LTBP1: variants seen among roughly 807,000 people sequenced by gnomAD.
LTBP1 encodes the protein latent-transforming growth factor beta-binding protein 1.
Under a neutral mutation model 207.6 loss-of-function variants are expected in LTBP1, and 129 were observed. The ratio of observed to expected loss-of-function variants is 0.62; its 90% CI spans 0.54 to 0.72. The LOEUF is 0.72. LTBP1 is among the 30% of genes least tolerant of loss of function. LTBP1 has a pLI of 0.00. For synonymous variants in LTBP1, 963 were observed against 833.7 expected (o/e 1.16, Z -2.67); for missense variants, 2,281 against 2,217.2 (o/e 1.03, Z -0.58).
At chr2:33,370,094 C>A (rs369319905) in intron 31 of LTBP1, among the ~76,000 whole-genome samples, 7 of 117,588 alleles carry the variant, frequency 6.0e-5, no homozygotes, top group Middle Eastern at 4.2e-3. Flanking sequence ...AAAATAATAT[C>A]TGCCTTTCAG....
chr2:33,377,111 T>A (rs2095150335), intron 31 of LTBP1, among the ~76,000 whole-genome samples: 1 of 152,192 alleles, frequency 6.6e-6, no homozygotes, highest in Non-Finnish European at 1.5e-5. Context: ...ATAAAATTTT[T>A]AAAAACCCTG....
At chr2:33,044,344 T>G (rs1372590222) in intron 3 of LTBP1, among the ~76,000 whole-genome samples, 1 of 152,110 alleles carries the variant, frequency 6.6e-6, no homozygotes. Context: ...AACTCCCACT[T>G]ACGAGTGAGA....
intron 5 of LTBP1, among the ~76,000 whole-genome samples, chr2:33,179,722 G>C (rs1469914163): frequency 1.3e-5 from 2 of 148,176 alleles, no homozygotes; most frequent in Non-Finnish European, 2.9e-5. Context: ...AAAACCCAAA[G>C]CCAAGTGTCC....
At chr2:32,997,878 C>T (rs533512295) in intron 2 of LTBP1, among the ~76,000 whole-genome samples, 21 of 152,166 alleles carry the variant, frequency 1.4e-4, no homozygotes, top group Non-Finnish European at 2.9e-4. Context: ...CAGTTACTGG[C>T]AACTTTTCTG....
In LTBP1 at chr2:33,273,790, C is replaced by T; in HGVS notation, c.2743+9C>T. On this transcript the variant is annotated intron_variant, in intron 16 of 33. Coordinates refer to ENST00000404816, the MANE Select transcript of LTBP1 (RefSeq NM_206943.4). The stretch of plus-strand genomic sequence containing the variant: ...ACAGAGGAAATGTGTGGGTAAGAGA[C>T]AATTTGATTGACTAAATTATTAAAT... The T allele has an allele frequency of 1.9e-6, 3 of 1,581,818 alleles. 1 individual carries two copies. In the South Asian group the frequency reaches 3.6e-5, roughly 19 times the overall value.
intron 5 of LTBP1, among the ~76,000 whole-genome samples, chr2:33,152,400 A>T (rs1356676536): frequency 1.3e-5 from 2 of 152,208 alleles, no homozygotes; most frequent in African/African-American, 2.4e-5. Flanking sequence ...GACCATAATT[A>T]AAAAATCAAA....
intron 26 of LTBP1, among the ~76,000 whole-genome samples, chr2:33,347,941 A>G (rs757361564): frequency 4.6e-5 from 7 of 152,236 alleles, no homozygotes. Flanking sequence ...CTTAGGATCT[A>G]CAAAGACTTC....
chr2:33,272,549 A>G (rs1414498791), intron 15 of LTBP1, among the ~76,000 whole-genome samples: 1 of 152,240 alleles, frequency 6.6e-6, no homozygotes, highest in African/African-American at 2.4e-5. Flanking sequence ...TATTGAGCAC[A>G]TATAATATGC....
chr2:33,200,176 T>G (rs1414820685), intron 7 of LTBP1, among the ~76,000 whole-genome samples: 2 of 152,196 alleles, frequency 1.3e-5, no homozygotes, highest in Non-Finnish European at 2.9e-5. Flanking sequence ...AAGTCAATCC[T>G]AAGCCAAAAG....
chr2:33,056,459 A>T, intron 3 of LTBP1: 1 of 925,158 alleles, frequency 1.1e-6, no homozygotes. Context: ...TGTTGTTGCA[A>T]ATTGCCAGCT....
chr2:33,150,223 G>C (rs939424721), intron 5 of LTBP1, among the ~76,000 whole-genome samples: 1 of 152,128 alleles, frequency 6.6e-6, no homozygotes. Context: ...TGGTCATCTT[G>C]CCTGGGAGAC....
At chr2:33,301,683 A>G in intron 22 of LTBP1, 39 bp downstream of exon 22, 1 of 1,521,624 alleles carries the variant, frequency 6.6e-7, no homozygotes, top group Non-Finnish European at 8.8e-7. Flanking sequence ...TAAAATGCCC[A>G]GATCGGAGGG....
chr2:33,235,525 C>A (rs1233402541), intron 9 of LTBP1, among the ~76,000 whole-genome samples: 1 of 152,162 alleles, frequency 6.6e-6, no homozygotes, highest in African/African-American at 2.4e-5. Flanking sequence ...TCCAGAAATA[C>A]CATTTGACCC....
chr2:33,157,041 A>G (rs1246541315), intron 5 of LTBP1, among the ~76,000 whole-genome samples: 1 of 152,216 alleles, frequency 6.6e-6, no homozygotes, highest in Non-Finnish European at 1.5e-5. Context: ...TGGTGACTGA[A>G]GAGCAGAGGT....
At chr2:33,153,522 G>T (rs1255942601) in intron 5 of LTBP1, among the ~76,000 whole-genome samples, 1 of 152,080 alleles carries the variant, frequency 6.6e-6, no homozygotes. Flanking sequence ...ATGCGCTGGG[G>T]TCCTGCTACA....
intron 7 of LTBP1, among the ~76,000 whole-genome samples, chr2:33,207,929 CA>C (rs2149226298): frequency 6.6e-6 from 1 of 152,274 alleles, no homozygotes; most frequent in South Asian, 2.1e-4. Context: ...GTGTTTATAT[CA>C]TAGTGAAAAG....
chr2:33,149,265 C>T (rs2083325506), intron 5 of LTBP1, among the ~76,000 whole-genome samples: 1 of 144,882 alleles, frequency 6.9e-6, no homozygotes, highest in African/African-American at 2.5e-5. Flanking sequence ...AGAGAGGGAG[C>T]TCCCATGGCA....
At chr2:33,329,046 A>G (rs2094463580) in intron 24 of LTBP1, among the ~76,000 whole-genome samples, 1 of 152,214 alleles carries the variant, frequency 6.6e-6, no homozygotes, top group Admixed American at 6.5e-5. Context: ...ACTAAGAAGT[A>G]TAATTTCTGG....
chr2:33,212,479 AT>A (rs761603070), intron 7 of LTBP1, among the ~76,000 whole-genome samples: 1 of 152,174 alleles, frequency 6.6e-6, no homozygotes, highest in Non-Finnish European at 1.5e-5. Flanking sequence ...AGTAACTTGT[AT>A]TTCCTAGATG....
Sources: allele counts gnomAD v4.1 joint callset (sites outside exome capture counted in the v4.1 genomes callset), GRCh38; gene constraint gnomAD v4.1.1; transcripts MANE v1.5; gene names NCBI Gene and HGNC (gene_info 2026-07-23, HGNC 2026-07-21).